PDZD2: variants seen among roughly 807,000 people sequenced by gnomAD.
PDZD2 encodes the protein PDZ domain containing 2.
A neutral mutation model predicts 220.7 loss-of-function variants in PDZD2; 90 were observed. The ratio of observed to expected loss-of-function variants is 0.41; its 90% CI spans 0.34 to 0.49. The LOEUF (loss-of-function observed/expected upper bound fraction) is 0.49. PDZD2 is among the 20% of genes least tolerant of loss of function. The pLI is 0.28. For synonymous variants in PDZD2, 1,375 were observed against 1,450.5 expected, an observed-to-expected ratio of 0.95 and a Z score of 1.18; for missense variants, 3,174 against 3,608.5, an observed-to-expected ratio of 0.88 and a Z score of 3.08.
chr5:32,043,221 G>A (rs529554619), intron 7 of PDZD2, among the ~76,000 whole-genome samples: 1 of 152,328 alleles, frequency 6.6e-6, no homozygotes, highest in South Asian at 2.1e-4. Flanking sequence ...AGAACAAGTG[G>A]CATATTTGGC....
intron 6 of PDZD2, 197 bp downstream of exon 6, chr5:32,010,679 A>G (rs1321538205): frequency 1.5e-6 from 1 of 652,810 alleles, no homozygotes; most frequent in Non-Finnish European, 2.8e-6. Flanking sequence ...TTAAGGAAAA[A>G]AAATGAAATG....
intron 2 of PDZD2, among the ~76,000 whole-genome samples, chr5:31,921,747 G>A (rs1391815279): frequency 1.3e-5 from 2 of 152,064 alleles, no homozygotes; most frequent in East Asian, 3.8e-4. Context: ...TACAGAGTCT[G>A]ATATTCTTGC....
At chr5:31,764,076 C>T (rs1375779417) in intron 1 of PDZD2, among the ~76,000 whole-genome samples, 1 of 152,172 alleles carries the variant, frequency 6.6e-6, no homozygotes, top group East Asian at 1.9e-4. Context: ...CACGGATGTC[C>T]ACCCAATCCT....
At chr5:31,927,573 C>T (rs554583022) in intron 2 of PDZD2, among the ~76,000 whole-genome samples, 9 of 152,040 alleles carry the variant, frequency 5.9e-5, no homozygotes, top group East Asian at 3.9e-4. Flanking sequence ...TTAGTAGAGA[C>T]GGGGTTTCAC....
At chr5:31,753,717 C>T (rs780947610) in intron 1 of PDZD2, among the ~76,000 whole-genome samples, 17 of 152,180 alleles carry the variant, frequency 1.1e-4, no homozygotes, top group Non-Finnish European at 2.1e-4. Flanking sequence ...AGTCTTTTTG[C>T]GTGGACATCC....
At chr5:31,902,322 G>A (rs935792154) in intron 2 of PDZD2, among the ~76,000 whole-genome samples, 3 of 151,950 alleles carry the variant, frequency 2.0e-5, no homozygotes, top group African/African-American at 7.3e-5. Context: ...TTTGGTTTGC[G>A]TTTCCCTGAT....
Position 31,779,143 on chromosome 5 carries a change from C to T in PDZD2, c.-360-19746C>T, listed in dbSNP as rs562490259. On this transcript the variant is annotated intron_variant, in intron 1 of 24. Transcript: ENST00000438447. ...TCCATGTGCACTCTGCCCCAAACTA[C>T]ACCTGTACACTAACTCCCAGCCCCA... Among the ~76,000 whole-genome samples, 6 of 152,184 alleles carry T rather than the reference C, an allele frequency of 3.9e-5. No individual in the cohort carries two copies. The East Asian group carries it at 1.2e-3, about 29-fold the overall frequency.
intron 1 of PDZD2, among the ~76,000 whole-genome samples, chr5:31,727,606 A>T (rs980195271): frequency 1.3e-5 from 2 of 151,682 alleles, no homozygotes; most frequent in Non-Finnish European, 2.9e-5. Flanking sequence ...AGGCTGAGGC[A>T]GGAGAATCGT....
At position 31,840,621 on chromosome 5, in the gene PDZD2, TTC is replaced by T. The variant is rs1371799733; in HGVS notation, c.476+40899_476+40900del. 4.0e-5 allele frequency: 29 copies of T among 717,196 alleles called. No homozygotes were observed. In the Middle Eastern group the frequency reaches 3.4e-3, roughly 84 times the overall value. 44.4% of individuals were successfully genotyped at this position (717,196 alleles called of 1,614,324 possible). A position where few individuals can be genotyped will look rare whatever the true frequency, so the allele number is the denominator to read the frequency against. ...GAACCCAGGTACCTTTCTGATAGGC[TTC>T]TTTCTTTTTCTGATCATTTTCCTCA... On this transcript the variant is annotated intron_variant, in intron 2 of 24. Transcript: ENST00000438447.
intron 1 of PDZD2, among the ~76,000 whole-genome samples, chr5:31,763,218 C>T (rs114454234): frequency 0.015 from 2,256 of 152,220 alleles, 54 homozygotes; most frequent in African/African-American, 0.052. Flanking sequence ...CATCAGCAGG[C>T]CCCCAGCTCC....
chr5:32,106,867 CTGA>C (rs1201320661), intron 24 of PDZD2, among the ~76,000 whole-genome samples: 1 of 152,202 alleles, frequency 6.6e-6, no homozygotes, highest in Non-Finnish European at 1.5e-5. Context: ...CACTACAGGG[CTGA>C]TATTGGTGAG....
intron 2 of PDZD2, among the ~76,000 whole-genome samples, chr5:31,876,587 T>C (rs533900558): frequency 2.0e-4 from 31 of 152,180 alleles, no homozygotes; most frequent in Non-Finnish European, 4.3e-4. Flanking sequence ...CCACCGTACC[T>C]GGCCTGAATT....
At chr5:31,671,782 C>T (rs1372190194) in intron 1 of PDZD2, among the ~76,000 whole-genome samples, 1 of 152,196 alleles carries the variant, frequency 6.6e-6, no homozygotes, top group Non-Finnish European at 1.5e-5. Context: ...CGTTCAACAC[C>T]GATTCCTGGG....
At chr5:32,033,014 T>C (rs1214065953) in intron 6 of PDZD2, among the ~76,000 whole-genome samples, 4 of 152,228 alleles carry the variant, frequency 2.6e-5, no homozygotes, top group Admixed American at 2.0e-4. Flanking sequence ...ACTCCATTAA[T>C]ATAATGGGAT....
intron 1 of PDZD2, among the ~76,000 whole-genome samples, chr5:31,733,842 T>A (rs563832393): frequency 2.0e-5 from 3 of 152,314 alleles, no homozygotes; most frequent in South Asian, 4.1e-4. Context: ...TGTAACCAGA[T>A]ATGGGGATTT....
intron 2 of PDZD2, among the ~76,000 whole-genome samples, chr5:31,963,331 T>C (rs1400451520): frequency 6.7e-6 from 1 of 150,040 alleles, no homozygotes; most frequent in African/African-American, 2.4e-5. Flanking sequence ...ATTTTTTCCT[T>C]TTAAAGGAGG....
chr5:31,721,480 T>C (rs1377354460), intron 1 of PDZD2, among the ~76,000 whole-genome samples: 3 of 143,856 alleles, frequency 2.1e-5, no homozygotes, highest in Non-Finnish European at 3.1e-5. Context: ...AGAGGGGCTT[T>C]TTAGAAATGC....
chr5:32,005,896 C>T (rs1752758986), intron 5 of PDZD2, among the ~76,000 whole-genome samples: 1 of 152,030 alleles, frequency 6.6e-6, no homozygotes, highest in African/African-American at 2.4e-5. Context: ...ACCTGTAATC[C>T]CAGCAATTTG....
intron 2 of PDZD2, among the ~76,000 whole-genome samples, chr5:31,868,555 C>T (rs1224566321): frequency 1.3e-5 from 2 of 152,128 alleles, no homozygotes; most frequent in Admixed American, 6.6e-5. Context: ...GTCACTCCCT[C>T]ATAGGTTCAT....
Sources: gnomAD v4.1 joint callset for allele counts (sites outside exome capture counted in the v4.1 genomes callset) on GRCh38, gnomAD v4.1.1 for gene constraint, MANE v1.5 for transcripts, NCBI Gene and HGNC (gene_info 2026-07-23, HGNC 2026-07-21) for gene names.